Variants in CAST observed in about 807,000 individuals in gnomAD.
CAST encodes the protein MIR583 host.
Under a neutral mutation model 119.6 loss-of-function variants are expected in CAST, and 76 were observed. The ratio of observed to expected loss-of-function variants is 0.64; its 90% confidence interval spans 0.53 to 0.77. CAST has a LOEUF of 0.77. Ranked by LOEUF, CAST falls within the 30% of genes least tolerant of loss-of-function variation. The pLI, the probability that CAST is intolerant of heterozygous loss-of-function variation, is 0.00. For missense variants in CAST, 953 were observed against 946.5 expected (o/e 1.01, Z -0.09); for synonymous variants, 319 against 331.6 (o/e 0.96, Z 0.41).
At chr5:96,253,864 C>T in the CAST span, among the ~76,000 whole-genome samples, 2 of 151,726 alleles carry the variant, frequency 1.3e-5, no homozygotes, top group African/African-American at 4.8e-5. Flanking sequence ...CCAAGGAATC[C>T]TACAAAATTT....
At chr5:96,687,246 G>T (rs1483230697) in intron 2 of CAST, among the ~76,000 whole-genome samples, 1 of 152,172 alleles carries the variant, frequency 6.6e-6, no homozygotes, top group African/African-American at 2.4e-5. Context: ...GACTAAAGTA[G>T]CCTGTCAGTA....
chr5:96,454,635 T>C, the CAST span, among the ~76,000 whole-genome samples: 324 of 152,364 alleles, frequency 2.1e-3, no homozygotes, highest in African/African-American at 7.5e-3. Flanking sequence ...TACTCAACAC[T>C]GGAAGACCCA....
chr5:96,368,328 C>T, the CAST span, among the ~76,000 whole-genome samples: 10 of 151,670 alleles, frequency 6.6e-5, no homozygotes, highest in Non-Finnish European at 8.8e-5. Context: ...GGTGAAACCC[C>T]GTCTCTACTA....
chr5:96,008,957 A>G, the CAST span, among the ~76,000 whole-genome samples: 1 of 151,964 alleles, frequency 6.6e-6, no homozygotes, highest in Non-Finnish European at 1.5e-5. Flanking sequence ...GGTTTTTCAA[A>G]CCATGCCCCA....
At chr5:96,764,493 GAA>G (rs1769119627) in intron 25 of CAST, among the ~76,000 whole-genome samples, 1 of 152,168 alleles carries the variant, frequency 6.6e-6, no homozygotes, top group Admixed American at 6.5e-5. Flanking sequence ...TCCTGAAGAT[GAA>G]AAGAGAGGTT....
At chr5:96,594,197 C>T (rs1047285915) in intron 1 of CAST, among the ~76,000 whole-genome samples, 2 of 152,150 alleles carry the variant, frequency 1.3e-5, no homozygotes, top group Non-Finnish European at 2.9e-5. Context: ...CATGAATGAG[C>T]AAGAAACTCT....
the CAST span, among the ~76,000 whole-genome samples, chr5:96,193,403 A>G: frequency 6.6e-6 from 1 of 152,212 alleles, no homozygotes; most frequent in Non-Finnish European, 1.5e-5. Flanking sequence ...AGCTGGATGA[A>G]CAAGATACTG....
At chr5:96,209,964 A>G in the CAST span, among the ~76,000 whole-genome samples, 4 of 151,668 alleles carry the variant, frequency 2.6e-5, no homozygotes, top group East Asian at 3.9e-4. Context: ...AGGGATGCCA[A>G]TGAGTCATAG....
the CAST span, among the ~76,000 whole-genome samples, chr5:96,487,216 C>T: frequency 6.6e-6 from 1 of 152,096 alleles, no homozygotes; most frequent in Non-Finnish European, 1.5e-5. Flanking sequence ...AATGTCCATA[C>T]CATATGTGTT....
the CAST span, chr5:96,247,977 A>C: frequency 6.6e-6 from 1 of 152,164 alleles, no homozygotes; most frequent in South Asian, 2.1e-4. Flanking sequence ...CTCAGCCCTC[A>C]GTAGCCACTC....
chr5:96,503,660 C>G, the CAST span, among the ~76,000 whole-genome samples: 1 of 152,162 alleles, frequency 6.6e-6, no homozygotes, highest in African/African-American at 2.4e-5. Context: ...AAACCATCCG[C>G]TTAATGTCGT....
In CAST at chr5:96,736,181, A is replaced by G. The variant is rs776130213; in HGVS notation, c.640A>G (p.Lys214Glu). The change falls in exon 10 of 32, where the codon AAG becomes GAG. Residue 214 changes from lysine (K) to glutamate (E), a missense_variant. Lys to Glu is a moderately conservative substitution (Grantham distance 56, BLOSUM62 1). Coordinates refer to ENST00000675179, the MANE Select transcript of CAST (RefSeq NM_001750.7). ...SGKPGDKKKE[K>E]KSLTPAVPVE... ...TCTCAATTCTCACCAGAAAAAAGAA[A>G]AGAAATCATTAACCCCAGCTGTGCC... is the stretch of plus-strand genomic sequence containing the variant. The G allele has an allele frequency of 2.5e-6, 4 of 1,611,182 alleles. No individual in the cohort carries two copies. The highest frequency in any genetic ancestry group is 2.2e-5 in the South Asian group (2 of 90,862).
At chr5:96,711,835 G>A (rs1160416330) in intron 3 of CAST, among the ~76,000 whole-genome samples, 1 of 152,154 alleles carries the variant, frequency 6.6e-6, no homozygotes, top group Non-Finnish European at 1.5e-5. Flanking sequence ...AATGGGTGAG[G>A]TTTCCCACTT....
chr5:96,221,403 C>T, the CAST span, among the ~76,000 whole-genome samples: 2 of 152,096 alleles, frequency 1.3e-5, no homozygotes, highest in African/African-American at 4.8e-5. Flanking sequence ...TAAACAAATT[C>T]AGTAAAGTTG....
At chr5:96,058,417 C>G in the CAST span, among the ~76,000 whole-genome samples, 1 of 152,096 alleles carries the variant, frequency 6.6e-6, no homozygotes, top group Non-Finnish European at 1.5e-5. Flanking sequence ...CTGGCCACAC[C>G]TACTTCCTTC....
the CAST span, among the ~76,000 whole-genome samples, chr5:95,989,979 A>G: frequency 6.6e-6 from 1 of 152,150 alleles, no homozygotes; most frequent in African/African-American, 2.4e-5. Flanking sequence ...TTAGACCCTT[A>G]AATCTCAAAA....
chr5:96,599,686 A>G (rs939593770), intron 1 of CAST, among the ~76,000 whole-genome samples: 7 of 151,978 alleles, frequency 4.6e-5, no homozygotes, highest in African/African-American at 1.7e-4. Context: ...GAGACTGGAA[A>G]TCCACCCCCC....
chr5:96,109,567 T>G, the CAST span, among the ~76,000 whole-genome samples: 1 of 152,184 alleles, frequency 6.6e-6, no homozygotes, highest in African/African-American at 2.4e-5. Flanking sequence ...TCTTTTGGAT[T>G]CAAAATGTTG....
chr5:96,171,589 A>G, the CAST span, among the ~76,000 whole-genome samples: 1 of 152,236 alleles, frequency 6.6e-6, no homozygotes, highest in African/African-American at 2.4e-5. Context: ...ATAATTAAAC[A>G]CCAAGGGAAG....
Sources: allele counts gnomAD v4.1 joint callset (sites outside exome capture counted in the v4.1 genomes callset), GRCh38; gene constraint gnomAD v4.1.1; transcripts MANE v1.5; gene names NCBI Gene and HGNC (gene_info 2026-07-23, HGNC 2026-07-21).